RAD51C: variants seen among roughly 807,000 people sequenced by gnomAD.
The protein encoded by RAD51C is DNA repair protein RAD51 homolog 3.
In RAD51C, 42 loss-of-function variants were observed where a neutral mutation model predicts 45.0. That is an observed-to-expected ratio of 0.93 (90% CI 0.73 to 1.21). The LOEUF (loss-of-function observed/expected upper bound fraction) is 1.21, where lower values mean the gene tolerates loss of function less well. Ranked by LOEUF, RAD51C falls within the 50% of genes most tolerant of loss-of-function variation. The pLI, the probability that RAD51C is intolerant of heterozygous loss-of-function variation, is 0.00. For missense variants in RAD51C, 474 were observed against 452.2 expected, an observed-to-expected ratio of 1.05 and a Z score of -0.44; for synonymous variants, 172 against 159.8, an observed-to-expected ratio of 1.08 and a Z score of -0.58.
chr17:58,701,234 G>A (rs1249515844), intron 3 of RAD51C, among the ~76,000 whole-genome samples: 2 of 10,386 alleles, frequency 1.9e-4, no homozygotes, highest in East Asian at 6.7e-3. Flanking sequence ...CTGGCCGGGT[G>A]TGGTGACTCA....
chr17:58,713,367 G>T (rs146835160), intron 5 of RAD51C, among the ~76,000 whole-genome samples: 195 of 152,048 alleles, frequency 1.3e-3, no homozygotes, highest in African/African-American at 4.5e-3. Flanking sequence ...ATGAGACAGG[G>T]TCTCGCTCTG....
At chr17:58,705,197 A>G (rs538756820) in intron 4 of RAD51C, among the ~76,000 whole-genome samples, 1 of 152,254 alleles carries the variant, frequency 6.6e-6, no homozygotes, top group South Asian at 2.1e-4. Flanking sequence ...TCTGGAGCCT[A>G]AAAGTTCAAG....
Position 58,694,935 on chromosome 17 carries a change from T to G in RAD51C, c.150T>G (p.Val50=). The change falls in exon 2 of 9, where the codon GTT becomes GTG. Residue 50 remains valine (V), a synonymous_variant. Transcript: ENST00000337432. The part of the protein sequence containing the change: ...EVKPSELSKE[V]GISKAEALET... ...TTTTTCTTATTTTACTTTCAGAAGTTGGGATATCTAAAGCAGAAGCCTTAG... is the reference window on the plus strand; with the variant it reads ...TTTTTCTTATTTTACTTTCAGAAGTGGGGATATCTAAAGCAGAAGCCTTAG... The G allele has an allele frequency of 6.2e-7, 1 of 1,612,552 alleles. No individual in the cohort carries two copies. The highest frequency in any genetic ancestry group is 8.5e-7 in the Non-Finnish European group (1 of 1,178,622).
chr17:58,697,170 G>A (rs1331273598), intron 3 of RAD51C, among the ~76,000 whole-genome samples: 1 of 152,152 alleles, frequency 6.6e-6, no homozygotes, highest in Non-Finnish European at 1.5e-5. Context: ...CTTAATATAA[G>A]CAACTGTTGT....
In RAD51C at chr17:58,705,015, C is replaced by T. The variant is rs569893198; in HGVS notation, c.705+1686C>T. Among the ~76,000 whole-genome samples, 102 of 151,840 alleles carry T rather than the reference C, an allele frequency of 6.7e-4. 1 individual carries two copies. The highest frequency in any genetic ancestry group is 2.5e-3 in the African/African-American group (102 of 41,424). ...GTGTGTTGGCATGCACCTGTGATCC[C>T]AGCTACTTGGGAGGCTGAGACAGGA... On this transcript the variant is annotated intron_variant, in intron 4 of 8. Transcript: ENST00000337432.
chr17:58,694,479 A>ATT (rs35324884), intron 1 of RAD51C: 54 of 148,186 alleles, frequency 3.6e-4, no homozygotes, highest in South Asian at 1.2e-3. Context: ...ATTAAGCTGA[A>ATT]TTTTTTTTTT....
chr17:58,701,146 G>A (rs970299069), intron 3 of RAD51C, among the ~76,000 whole-genome samples: 4 of 151,684 alleles, frequency 2.6e-5, no homozygotes, highest in South Asian at 2.1e-4. Context: ...AGAGATCTGC[G>A]TGCCTTGGCC....
Position 58,704,454 on chromosome 17 carries a change from T to A in RAD51C, c.705+1125T>A, listed in dbSNP as rs75461112. The stretch of plus-strand genomic sequence containing the variant: ...CGCCTGGCTAATTTTTTTTTTTTTT[T>A]ATATTTTTGGTAGAAACAGGGTTTT... On this transcript the variant is annotated intron_variant, in intron 4 of 8. Transcript: ENST00000337432. Among the ~76,000 whole-genome samples, 19 of 151,482 alleles carry A rather than the reference T, an allele frequency of 1.3e-4. No homozygotes were observed. The East Asian group carries it at 2.1e-3, about 17-fold the overall frequency.
At chr17:58,725,766 A>G (rs901726225) in intron 7 of RAD51C, among the ~76,000 whole-genome samples, 2 of 152,098 alleles carry the variant, frequency 1.3e-5, no homozygotes, top group African/African-American at 2.4e-5. Context: ...AGGCTGAGGT[A>G]GGTGGATCAT....
In RAD51C at chr17:58,726,680, ATG is replaced by A. The variant is rs1467906677; in HGVS notation, c.965+2588_965+2589del. Among the ~76,000 whole-genome samples the A allele has an allele frequency of 4.6e-5, 7 of 151,654 alleles. No homozygotes were observed. The South Asian group carries it at 1.0e-3, about 23-fold the overall frequency. ...GATGTATATACATATACGTATGTAT[ATG>A]TGTGTGTATATATATAATTTCATGT... On this transcript the variant is annotated intron_variant, in intron 7 of 8. Transcript: ENST00000337432.
At chr17:58,716,754 G>A (rs2567894) in intron 5 of RAD51C, among the ~76,000 whole-genome samples, 44,857 of 147,324 alleles carry the variant, frequency 0.3, 7,126 homozygotes, top group Middle Eastern at 0.52. Context: ...AAGCCACCAC[G>A]CCTGGCTTCT....
chr17:58,720,912 G>A, intron 6 of RAD51C, 100 bp downstream of exon 6: 1 of 978,482 alleles, frequency 1.0e-6, no homozygotes, highest in Non-Finnish European at 1.6e-6. Context: ...AAAGCAGACT[G>A]TATTTGTCTT....
chr17:58,705,672 T>C (rs1423298999), intron 4 of RAD51C, among the ~76,000 whole-genome samples: 1 of 152,096 alleles, frequency 6.6e-6, no homozygotes, highest in Admixed American at 6.6e-5. Flanking sequence ...CATCTTAGAT[T>C]AGGGTCCCAT....
At chr17:58,733,984 G>A in intron 8 of RAD51C, 134 bp from the exon 9 acceptor site, 1 of 1,366,390 alleles carries the variant, frequency 7.3e-7, no homozygotes. Flanking sequence ...CCAAAGTGCT[G>A]GGATTACAGG....
chr17:58,706,463 C>T (rs2048382666), intron 4 of RAD51C: 1 of 386,516 alleles, frequency 2.6e-6, no homozygotes. Context: ...AAGAATGATC[C>T]TTTGCTTTGA....
intron 3 of RAD51C, among the ~76,000 whole-genome samples, chr17:58,701,336 G>A (rs749731450): frequency 2.0e-5 from 3 of 151,586 alleles, no homozygotes; most frequent in South Asian, 2.1e-4. Context: ...GTGAAACCCC[G>A]TCTCTACTAA....
At chr17:58,727,110 G>A (rs1053411648) in intron 7 of RAD51C, among the ~76,000 whole-genome samples, 32 of 150,512 alleles carry the variant, frequency 2.1e-4, no homozygotes, top group Non-Finnish European at 4.0e-4. Context: ...ATGAGCCACC[G>A]CACCCGGCCT....
rs780388449 is a variant in RAD51C at position 58,694,956 on chromosome 17, C to T, written c.171C>T (p.Ala57=). Residue 57 remains alanine (A), a synonymous_variant, in exon 2 of 9, where the codon GCC becomes GCT. Transcript: ENST00000337432. The stretch of plus-strand genomic sequence containing the variant: ...AAGTTGGGATATCTAAAGCAGAAGC[C>T]TTAGAAACTCTGCAAATTATCAGAA... ...SKEVGISKAE[A]LETLQIIRRE... 1 of 1,613,746 alleles carries T rather than the reference C, an allele frequency of 6.2e-7. No individual in the cohort carries two copies. The highest frequency in any genetic ancestry group is 1.1e-5 in the South Asian group (1 of 91,066).
chr17:58,735,589 A>G lies in RAD51C; in HGVS notation c.*1367A>G, dbSNP rs1181590911. 1 of 152,208 alleles carries G rather than the reference A, an allele frequency of 6.6e-6. No homozygotes were observed. The highest frequency in any genetic ancestry group is 1.5e-5 in the Non-Finnish European group (1 of 68,040). 9.4% of individuals were successfully genotyped at this position (152,208 alleles called of 1,614,324 possible). A position where few individuals can be genotyped will look rare whatever the true frequency, so the allele number is the denominator to read the frequency against. ...TTTGAATAATCTTAACTTTGCTTAA[A>G]TAAATTAAAGATTTCAATTCTCGAT... On this transcript the variant is annotated 3_prime_UTR_variant, in exon 9 of 9. Coordinates refer to ENST00000337432, the MANE Select transcript of RAD51C (RefSeq NM_058216.3).
Sources: gnomAD v4.1 joint callset for allele counts (sites outside exome capture counted in the v4.1 genomes callset) on GRCh38, gnomAD v4.1.1 for gene constraint, MANE v1.5 for transcripts, NCBI Gene and HGNC (gene_info 2026-07-23, HGNC 2026-07-21) for gene names.